The following USH2A variants were observed in gnomAD, a reference collection of about 807,000 sequenced individuals.
USH2A encodes Usher syndrome 2A (autosomal recessive, mild).
USH2A carries 443 observed loss-of-function variants against 538.9 expected under a neutral mutation model. The ratio of observed to expected loss-of-function variants is 0.82; its 90% confidence interval spans 0.76 to 0.89. The LOEUF (loss-of-function observed/expected upper bound fraction) is 0.89. Ranked by LOEUF, USH2A falls within the 40% of genes least tolerant of loss-of-function variation. USH2A has a pLI of 0.00. For missense variants in USH2A, 6,633 were observed against 6,324.8 expected (o/e 1.05, Z -1.65); for synonymous variants, 2,413 against 2,273.5 (o/e 1.06, Z -1.75).
At chr1:216,172,527 T>A (rs1185458748) in intron 21 of USH2A, among the ~76,000 whole-genome samples, 1 of 152,186 alleles carries the variant, frequency 6.6e-6, no homozygotes, top group African/African-American at 2.4e-5. Context: ...GATTTGCTCA[T>A]TAAATTTGCC....
intron 11 of USH2A, among the ~76,000 whole-genome samples, chr1:216,285,121 A>T (rs898418183): frequency 6.6e-6 from 1 of 152,204 alleles, no homozygotes; most frequent in Non-Finnish European, 1.5e-5. Context: ...AACTAACAAG[A>T]AGCCAAATGT....
chr1:216,310,859 T>G (rs190936779), intron 9 of USH2A, among the ~76,000 whole-genome samples: 1 of 152,204 alleles, frequency 6.6e-6, no homozygotes, highest in Non-Finnish European at 1.5e-5. Context: ...CTTTGTCTGT[T>G]TGGAGACATC....
chr1:216,352,118 G>C (rs1251917595), intron 4 of USH2A, among the ~76,000 whole-genome samples: 1 of 152,120 alleles, frequency 6.6e-6, no homozygotes, highest in Admixed American at 6.6e-5. Flanking sequence ...AGAGGCTGGG[G>C]TGGGGAGATT....
rs568031124 is a variant in USH2A at position 215,810,338 on chromosome 1, A to G, written c.9739+3398T>C. 2.6e-5 allele frequency among the ~76,000 whole-genome samples: 4 copies of G among 152,264 alleles called. No individual in the cohort carries two copies. The East Asian group carries it at 7.7e-4, about 29-fold the overall frequency. On this transcript the variant is annotated intron_variant, in intron 49 of 71. Transcript: ENST00000307340. ...ATTTTTAAGAAAAATGTTAAATTTT[A>G]TTTTGAAACCTAACAAAAGTAGATT...
chr1:215,969,323 T>C (rs973098542), intron 36 of USH2A, among the ~76,000 whole-genome samples: 1 of 152,058 alleles, frequency 6.6e-6, no homozygotes, highest in Non-Finnish European at 1.5e-5. Context: ...CCAATTCTAT[T>C]CCCCCCTTCC....
At chr1:216,035,869 T>C (rs561685788) in intron 32 of USH2A, among the ~76,000 whole-genome samples, 2 of 152,150 alleles carry the variant, frequency 1.3e-5, no homozygotes, top group East Asian at 3.8e-4. Flanking sequence ...TTACAGAAAT[T>C]TTGAAAATAA....
intron 4 of USH2A, among the ~76,000 whole-genome samples, chr1:216,328,100 C>T (rs1243032663): frequency 1.3e-5 from 2 of 152,128 alleles, no homozygotes; most frequent in Non-Finnish European, 2.9e-5. Context: ...AAGCTCCAGG[C>T]TATCTGTTTG....
intron 35 of USH2A, among the ~76,000 whole-genome samples, chr1:215,986,143 G>A (rs2164577): frequency 0.46 from 69,336 of 151,652 alleles, 17,456 homozygotes; most frequent in East Asian, 0.85. Context: ...TGTTTTAGAC[G>A]TGGTCTCACT....
At chr1:216,008,464 G>A (rs1036766636) in intron 32 of USH2A, among the ~76,000 whole-genome samples, 32 of 151,670 alleles carry the variant, frequency 2.1e-4, no homozygotes, top group African/African-American at 4.1e-4. Flanking sequence ...CTCTCTTTTC[G>A]GACTCAGCCC....
intron 50 of USH2A, among the ~76,000 whole-genome samples, chr1:215,797,465 C>A (rs557543949): frequency 6.6e-6 from 1 of 152,072 alleles, no homozygotes; most frequent in Non-Finnish European, 1.5e-5. Flanking sequence ...AAAGTCAACG[C>A]CTGGTTTCAA....
intron 55 of USH2A, among the ~76,000 whole-genome samples, chr1:215,770,875 C>T (rs1298877046): frequency 1.0e-4 from 14 of 133,346 alleles, no homozygotes; most frequent in East Asian, 2.5e-4. Context: ...GAGGACGAGG[C>T]GGGTGGATCA....
intron 55 of USH2A, among the ~76,000 whole-genome samples, chr1:215,767,407 T>C (rs1305178128): frequency 1.3e-5 from 2 of 152,204 alleles, no homozygotes; most frequent in African/African-American, 4.8e-5. Flanking sequence ...CCAAGCCATA[T>C]TCAACTCATA....
intron 40 of USH2A, among the ~76,000 whole-genome samples, chr1:215,892,211 T>G (rs1284994615): frequency 6.6e-6 from 1 of 152,146 alleles, no homozygotes; most frequent in Non-Finnish European, 1.5e-5. Context: ...AACTTGAGTG[T>G]GTATATAACT....
rs148166926 is a variant in USH2A at position 215,786,894 on chromosome 1, T to TGA, written c.10183-22_10183-21dup. 3 of 1,611,720 alleles carry TGA rather than the reference T, an allele frequency of 1.9e-6. No homozygotes were observed. The highest frequency in any genetic ancestry group is 1.1e-5 in the South Asian group (1 of 91,024). On this transcript the variant is annotated intron_variant, in intron 51 of 71. Transcript: ENST00000307340. ...GGTTTCCTGAGTCAAGTGGCAGGGG[T>TGA]GAGAGAGAGAGGGGTATTTAAAAAT...
At chr1:216,054,608 G>A (rs1473886098) in intron 30 of USH2A, among the ~76,000 whole-genome samples, 1 of 152,000 alleles carries the variant, frequency 6.6e-6, no homozygotes, top group Admixed American at 6.6e-5. Context: ...ATATTTCAGA[G>A]AAGAAAAAAG....
At chr1:215,870,375 A>C (rs918168658) in intron 43 of USH2A, among the ~76,000 whole-genome samples, 12 of 151,246 alleles carry the variant, frequency 7.9e-5, no homozygotes, top group Admixed American at 5.9e-4. Flanking sequence ...GCTCACTGCA[A>C]ACTCCGCCTC....
intron 31 of USH2A, among the ~76,000 whole-genome samples, chr1:216,047,921 T>C (rs2030592777): frequency 6.6e-6 from 1 of 152,204 alleles, no homozygotes; most frequent in African/African-American, 2.4e-5. Flanking sequence ...GCTAAAATAT[T>C]TTCTCTTTCT....
Position 216,073,451 on chromosome 1 carries a change from C to G in USH2A, c.5573-151G>C, listed in dbSNP as rs188344097. ...AGTCTTCCTTGGAAAACCTTTTATG[C>G]CTCCTACTTTTTAACAAGCTAATTT... On this transcript the variant is annotated intron_variant, in intron 27 of 71. Coordinates refer to ENST00000307340, the MANE Select transcript of USH2A (RefSeq NM_206933.4). 32 of 775,716 alleles carry G rather than the reference C, an allele frequency of 4.1e-5. No individual in the cohort carries two copies. The East Asian group carries it at 8.6e-4, about 21-fold the overall frequency. 48.1% of individuals were successfully genotyped at this position (775,716 alleles called of 1,614,324 possible). A position where few individuals can be genotyped will look rare whatever the true frequency, so the allele number is the denominator to read the frequency against.
chr1:215,790,233 G>C lies in USH2A; in HGVS notation c.10008C>G (p.Cys3336Trp), dbSNP rs776694771. 6.2e-7 allele frequency: 1 copy of C among 1,614,054 alleles called. No individual in the cohort carries two copies. Among genetic ancestry groups the C allele is most frequent in the Admixed American group, 1.7e-5 (1 of 60,006 alleles). Residue 3336 changes from cysteine to tryptophan, a missense_variant, in exon 51 of 72, where the codon TGC (cysteine) becomes TGG (tryptophan). Cys to Trp is a radical substitution (Grantham distance 215, BLOSUM62 -2). Transcript: ENST00000307340. ...TAGACTCTCCACTGGAAGCTGAGCA[G>C]CATATGGTATCTGACATATTCACAT... The part of the protein sequence containing the change: ...QDYVNMSDTI[C>W]CSASSGESKA...
Sources: allele counts gnomAD v4.1 joint callset (sites outside exome capture counted in the v4.1 genomes callset), GRCh38; gene constraint gnomAD v4.1.1; transcripts MANE v1.5; gene names NCBI Gene and HGNC (gene_info 2026-07-23, HGNC 2026-07-21).